Variants in SARDH observed in about 807,000 individuals in gnomAD.
The protein encoded by SARDH is sarcosine dehydrogenase, also known as sarcosine dehydrogenase, mitochondrial.
SARDH carries 95 observed loss-of-function variants against 109.1 expected under a neutral mutation model. The observed-to-expected ratio is 0.87, with a 90% CI of 0.74 to 1.03. The LOEUF is 1.03. SARDH is among the 50% of genes least tolerant of loss of function. The pLI, the probability that SARDH is intolerant of heterozygous loss-of-function variation, is 0.00. For missense variants in SARDH, 1,267 were observed against 1,287.8 expected (o/e 0.98, Z 0.25); for synonymous variants, 572 against 534.8 (o/e 1.07, Z -0.96).
rs991157939 is a variant in SARDH at position 133,666,219 on chromosome 9, A to G, written c.2631+516T>C. 1.3e-5 allele frequency among the ~76,000 whole-genome samples: 2 copies of G among 151,112 alleles called. No individual in the cohort carries two copies. The highest frequency in any genetic ancestry group is 4.8e-5 in the African/African-American group (2 of 41,246). On this transcript the variant is annotated intron_variant, in intron 20 of 20. Coordinates refer to ENST00000439388, the MANE Select transcript of SARDH (RefSeq NM_001134707.2). This position sits in a 1 kb window ranked among gnomAD's most constrained non-coding sequence, Gnocchi z 5.2. ...GGGTGAGGAAAGAGAGGATAGGAAC[A>G]TGGGTCTCTGAGTCTCTAGTCGGTC...
intron 17 of SARDH, among the ~76,000 whole-genome samples, chr9:133,675,322 G>A (rs967572907): frequency 1.3e-5 from 2 of 151,266 alleles, no homozygotes; most frequent in Admixed American, 6.6e-5. Context: ...CTGCACTCCA[G>A]CCTGGGCAAC....
intron 2 of SARDH, among the ~76,000 whole-genome samples, chr9:133,733,570 A>G (rs1332673931): frequency 2.0e-5 from 3 of 152,298 alleles, no homozygotes; most frequent in African/African-American, 7.2e-5. Context: ...TGCCCTCTGG[A>G]CAGCTGCCTG....
At position 133,666,703 on chromosome 9, in the gene SARDH, C is replaced by T; in HGVS notation, c.2631+32G>A. 1 of 1,567,262 alleles carries T rather than the reference C, an allele frequency of 6.4e-7. No homozygotes were observed. The highest frequency in any genetic ancestry group is 8.6e-7 in the Non-Finnish European group (1 of 1,156,386). On this transcript the variant is annotated intron_variant, in intron 20 of 20. Transcript: ENST00000439388. The surrounding 1 kb of genome is among the most constrained non-coding windows in gnomAD (Gnocchi z 5.2). ...TTTGGAGCTGGTGAGGGATCGGCAT[C>T]TGCCTTAGCAGGGCCAGAGAAGGGG...
chr9:133,688,659 C>G (rs974671315), intron 16 of SARDH, among the ~76,000 whole-genome samples: 3 of 152,250 alleles, frequency 2.0e-5, no homozygotes, highest in African/African-American at 7.2e-5. Context: ...CGGCTCCTGG[C>G]CTGCTCCATC....
chr9:133,723,721 CCACTG>C (rs1218084408), intron 6 of SARDH, among the ~76,000 whole-genome samples: 3 of 152,186 alleles, frequency 2.0e-5, no homozygotes, highest in Non-Finnish European at 4.4e-5. Flanking sequence ...AGAGATCACA[CCACTG>C]CACTCCAGCC....
chr9:133,708,613 G>C (rs1831795035), intron 10 of SARDH, among the ~76,000 whole-genome samples, 185 bp from the exon 11 acceptor site: 1 of 152,092 alleles, frequency 6.6e-6, no homozygotes, highest in South Asian at 2.1e-4. Flanking sequence ...TTCTCCCCCA[G>C]AGCCACCCCA....
intron 17 of SARDH, among the ~76,000 whole-genome samples, chr9:133,683,868 G>A (rs998347272): frequency 2.0e-5 from 3 of 152,234 alleles, no homozygotes; most frequent in African/African-American, 7.2e-5. Flanking sequence ...GAGACAGGGA[G>A]CTGCCTCCAA....
chr9:133,721,289 A>T (rs573016372), intron 6 of SARDH, among the ~76,000 whole-genome samples: 5 of 152,344 alleles, frequency 3.3e-5, no homozygotes, highest in Admixed American at 6.5e-5. Flanking sequence ...GCATCGCTGG[A>T]GGCTGGAAGA....
At position 133,704,845 on chromosome 9, in the gene SARDH, G is replaced by T. The variant is rs887865860; in HGVS notation, c.1554+103C>A. The T allele has an allele frequency of 2.1e-6, 2 of 958,120 alleles. No homozygotes were observed. The highest frequency in any genetic ancestry group is 1.6e-6 in the Non-Finnish European group (1 of 620,258). The allele number at this position is 958,120 out of a possible 1,614,324, so 59.4% of individuals were successfully genotyped here. ...CTGATCACGACAGTGGAACCACCTG[G>T]GGAGGCGGGGCACACGGAGGGGCAA... is the stretch of plus-strand genomic sequence containing the variant. On this transcript the variant is annotated intron_variant, in intron 12 of 20. Coordinates refer to ENST00000439388, the MANE Select transcript of SARDH (RefSeq NM_001134707.2). This position sits in a 1 kb window ranked among gnomAD's most constrained non-coding sequence, Gnocchi z 4.5.
intron 8 of SARDH, among the ~76,000 whole-genome samples, chr9:133,716,625 T>G (rs1456417772): frequency 2.6e-5 from 4 of 152,004 alleles, no homozygotes; most frequent in Non-Finnish European, 1.5e-5. Flanking sequence ...TAGGGTGGGG[T>G]GGGGCTGAGC....
chr9:133,661,452 C>T (rs1832413670), downstream of SARDH, among the ~76,000 whole-genome samples: 1 of 151,966 alleles, frequency 6.6e-6, no homozygotes, highest in Admixed American at 6.6e-5. Flanking sequence ...TGTGGTATAG[C>T]GCTCTGCCGG....
At chr9:133,660,416 A>C (rs1436856358), downstream of SARDH, among the ~76,000 whole-genome samples, 1 of 152,084 alleles carries the variant, frequency 6.6e-6, no homozygotes, top group Admixed American at 6.5e-5. Context: ...AGGAAACAGG[A>C]ATTTCCCCAG....
chr9:133,734,071 TG>T lies in SARDH; in HGVS notation c.102del (p.Thr35GlnfsTer12). On this transcript the variant is annotated frameshift_variant, in exon 2 of 21. Coordinates refer to ENST00000439388, the MANE Select transcript of SARDH (RefSeq NM_001134707.2). LOFTEE classifies it high-confidence loss of function. ...TGATATGGCACACTCTTCTCGGCTG[TG>T]GGGCCAGCTGCGCTGGACAGGTTGC... ...GPCNLSSAAG[P>X]TAEKSVPYQR... 6.2e-7 allele frequency: 1 copy of T among 1,613,214 alleles called. No individual in the cohort carries two copies.
rs1289696600 is a variant in SARDH, at chr9:133,704,574, A to C, written c.1554+374T>G. Among the ~76,000 whole-genome samples the C allele has an allele frequency of 1.3e-5, 2 of 152,088 alleles. No homozygotes were observed. Among genetic ancestry groups the C allele is most frequent in the Non-Finnish European group, 2.9e-5 (2 of 67,992 alleles). ...AAACCAACAGTCGGAGTGGCCAAAA[A>C]TAGATGCACAGAATTAGGAGACGCT... On this transcript the variant is annotated intron_variant, in intron 12 of 20. Coordinates refer to ENST00000439388, the MANE Select transcript of SARDH (RefSeq NM_001134707.2). The surrounding 1 kb of genome is among the most constrained non-coding windows in gnomAD (Gnocchi z 4.5).
intron 10 of SARDH, among the ~76,000 whole-genome samples, chr9:133,710,865 G>C (rs1831892819): frequency 1.3e-5 from 2 of 152,250 alleles, no homozygotes; most frequent in Admixed American, 1.3e-4. Flanking sequence ...GACGGCATTA[G>C]CCTGTGTGCC....
At chr9:133,731,616 C>T (rs1333991643) in intron 3 of SARDH, 132 bp from the exon 4 acceptor site, 10 of 853,784 alleles carry the variant, frequency 1.2e-5, no homozygotes, top group Non-Finnish European at 1.8e-5. Flanking sequence ...TCCCCACGCC[C>T]CCGGAGCCTG....
chr9:133,694,338 C>T lies in SARDH; in HGVS notation c.1841G>A (p.Arg614His), dbSNP rs2073817. Reference sequence around the variant, plus strand: ...AGTCAGGTCACTCTCGGTGCCCCCACGGTGGTTGAGCATGCACGTGTACAC... The same window carrying T: ...AGTCAGGTCACTCTCGGTGCCCCCATGGTGGTTGAGCATGCACGTGTACAC... ...STVYTCMLNH[R>H]GGTESDLTVS... Residue 614 changes from arginine to histidine, a missense_variant, in exon 15 of 21, where the codon CGT (arginine) becomes CAT (histidine). Coordinates refer to ENST00000439388, the MANE Select transcript of SARDH (RefSeq NM_001134707.2). 570,807 of 1,549,820 alleles carry T rather than the reference C, an allele frequency of 0.37. 106,118 individuals carry two copies. The highest frequency in any genetic ancestry group is 0.44 in the Admixed American group (22,375 of 50,960).
chr9:133,676,113 C>T (rs530012854), intron 17 of SARDH, among the ~76,000 whole-genome samples: 2 of 151,448 alleles, frequency 1.3e-5, no homozygotes, highest in African/African-American at 2.4e-5. Context: ...AAAACACACA[C>T]CAAAAACAGA....
rs1346521188 is a variant in SARDH at position 133,689,419 on chromosome 9, G to A, written c.2069+961C>T. On this transcript the variant is annotated intron_variant, in intron 16 of 20. Transcript: ENST00000439388. ...CCTGGCCCCTTAGCCTGGTGGGGGAGGGTCACCAATGGAAGGCCTAGACTA... is the reference window on the plus strand; with the variant it reads ...CCTGGCCCCTTAGCCTGGTGGGGGAAGGTCACCAATGGAAGGCCTAGACTA... 2.6e-5 allele frequency among the ~76,000 whole-genome samples: 4 copies of A among 151,916 alleles called. No homozygotes were observed. In the East Asian group the frequency reaches 5.8e-4, roughly 22 times the overall value.
Sources: gnomAD v4.1 joint callset for allele counts (sites outside exome capture counted in the v4.1 genomes callset) on GRCh38, gnomAD v4.1.1 for gene constraint, Gnocchi (gnomAD v3.1) non-coding constraint, MANE v1.5 for transcripts, NCBI Gene and HGNC (gene_info 2026-07-23, HGNC 2026-07-21) for gene names.